ABTB2: variants seen among roughly 807,000 people sequenced by gnomAD.
The protein encoded by ABTB2 is ankyrin repeat and BTB/POZ domain-containing protein 2.
Under a neutral mutation model 104.1 loss-of-function variants are expected in ABTB2, and 56 were observed. The observed-to-expected ratio is 0.54, with a 90% CI of 0.43 to 0.67. The LOEUF (loss-of-function observed/expected upper bound fraction) is 0.67, where lower values mean the gene tolerates loss of function less well. ABTB2 is among the 30% of genes least tolerant of loss of function. ABTB2 has a pLI of 0.00. For missense variants in ABTB2, 1,279 were observed against 1,407.7 expected, an observed-to-expected ratio of 0.91 and a Z score of 1.46; for synonymous variants, 606 against 608.2, an observed-to-expected ratio of 1.00 and a Z score of 0.05.
intron 1 of ABTB2, among the ~76,000 whole-genome samples, chr11:34,270,570 C>T (rs913914499): frequency 1.3e-5 from 2 of 152,172 alleles, no homozygotes; most frequent in Non-Finnish European, 2.9e-5. Flanking sequence ...GAACTCCTGA[C>T]CTCAGGTGAT....
chr11:34,211,620 G>A (rs890516172), intron 1 of ABTB2, among the ~76,000 whole-genome samples: 18 of 152,036 alleles, frequency 1.2e-4, no homozygotes, highest in African/African-American at 2.7e-4. Flanking sequence ...CAAGCCAGGC[G>A]TGGTGGCTCA....
chr11:34,294,216 C>A (rs1011368489), intron 1 of ABTB2, among the ~76,000 whole-genome samples: 11 of 152,064 alleles, frequency 7.2e-5, no homozygotes, highest in African/African-American at 2.7e-4. Flanking sequence ...CATAGTCCCA[C>A]CCACTCAGGA....
At chr11:34,204,449 T>C in intron 2 of ABTB2, 95 bp downstream of exon 2, 3 of 1,442,490 alleles carry the variant, frequency 2.1e-6, no homozygotes, top group South Asian at 1.4e-5. Flanking sequence ...GCCAGAGCAC[T>C]TGGAGGAGGA....
At position 34,160,992 on chromosome 11, in the gene ABTB2, C is replaced by T. The variant is rs774571777; in HGVS notation, c.2308G>A (p.Asp770Asn). 1.2e-6 allele frequency: 2 copies of T among 1,613,670 alleles called. No individual in the cohort carries two copies. Among genetic ancestry groups the T allele is most frequent in the African/African-American group, 2.7e-5 (2 of 74,882 alleles). The change falls in exon 11 of 17, where the codon GAC (aspartate) becomes AAC (asparagine). Residue 770 changes from aspartate to asparagine, a missense_variant. By Grantham distance (23) the Asp-to-Asn change is conservative. Coordinates refer to ENST00000435224, the MANE Select transcript of ABTB2 (RefSeq NM_145804.3). ...TCCTCCTCTCTGATGGAGCTGAAGT[C>T]CCGCAGGAGGCTCTGCACCACCGAG... ...RYSVVQSLLR[D>N]FSSIREEEYN...
At chr11:34,230,748 T>C (rs1853757583) in intron 1 of ABTB2, among the ~76,000 whole-genome samples, 1 of 152,196 alleles carries the variant, frequency 6.6e-6, no homozygotes, top group African/African-American at 2.4e-5. Context: ...TCCTCTTATT[T>C]CCATCATGAA....
chr11:34,160,787 G>T, intron 11 of ABTB2, 116 bp downstream of exon 11: 1 of 1,158,274 alleles, frequency 8.6e-7, no homozygotes. Flanking sequence ...GAGTGTGTGT[G>T]CGTTGGGTGA....
At position 34,152,531 on chromosome 11, in the gene ABTB2, G is replaced by C; in HGVS notation, c.2934C>G (p.His978Gln). ...CATCCTGCTCCAGTAGGGCCTTCAT[G>C]TGCTTGAGGAAGAAGCCCTCACAGA... ...ALFCEGFFLKHMKALLEQDAF... is the reference protein window; with the variant it reads ...ALFCEGFFLKQMKALLEQDAF... The change falls in exon 17 of 17, where the codon CAC (histidine) becomes CAG (glutamine). Residue 978 changes from histidine (H) to glutamine (Q), a missense_variant. Transcript: ENST00000435224. The C allele has an allele frequency of 6.2e-7, 1 of 1,612,550 alleles. No homozygotes were observed. Among genetic ancestry groups the C allele is most frequent in the East Asian group, 2.2e-5 (1 of 44,850 alleles).
At position 34,317,515 on chromosome 11, in the gene ABTB2, A is replaced by G. The variant is rs146215143; in HGVS notation, c.883+39186T>C. 4.9e-3 allele frequency among the ~76,000 whole-genome samples: 743 copies of G among 152,266 alleles called. 7 individuals are homozygous for G. Among genetic ancestry groups the G allele is most frequent in the Non-Finnish European group, 9.0e-3 (609 of 68,012 alleles). ...GGGCCAGGCATGGTGTCTTACACCT[A>G]TAATCCCAGCAGTCTGGGAGGCTGA... is the stretch of plus-strand genomic sequence containing the variant. On this transcript the variant is annotated intron_variant, in intron 1 of 16. Transcript: ENST00000435224.
intron 1 of ABTB2, among the ~76,000 whole-genome samples, chr11:34,279,008 T>C (rs1014883987): frequency 6.6e-6 from 1 of 152,168 alleles, no homozygotes; most frequent in African/African-American, 2.4e-5. Context: ...AAAAAGTACA[T>C]ACAGAAATGC....
intron 1 of ABTB2, among the ~76,000 whole-genome samples, chr11:34,290,057 C>A (rs1854549966): frequency 6.6e-6 from 1 of 152,190 alleles, no homozygotes. Flanking sequence ...ATGACCTAGT[C>A]CCTGAAGACA....
At chr11:34,189,669 T>C (rs1485406648) in intron 3 of ABTB2, among the ~76,000 whole-genome samples, 1 of 152,134 alleles carries the variant, frequency 6.6e-6, no homozygotes, top group Non-Finnish European at 1.5e-5. Flanking sequence ...ATAAAATTCA[T>C]GCTCTGAAAC....
chr11:34,254,544 G>A (rs1025063419), intron 1 of ABTB2, among the ~76,000 whole-genome samples: 6 of 152,020 alleles, frequency 3.9e-5, no homozygotes, highest in African/African-American at 1.2e-4. Flanking sequence ...CACCGTGCTC[G>A]GCCAATGGAA....
At chr11:34,153,511 G>A (rs141061722) in intron 16 of ABTB2, among the ~76,000 whole-genome samples, 2 of 152,114 alleles carry the variant, frequency 1.3e-5, no homozygotes, top group Non-Finnish European at 2.9e-5. Context: ...TGGGACCACA[G>A]ATGCACGCCA....
chr11:34,159,438 C>T (rs926433249), intron 13 of ABTB2, 52 bp from the exon 14 acceptor site: 1 of 1,249,852 alleles, frequency 8.0e-7, no homozygotes, highest in South Asian at 1.2e-5. Flanking sequence ...TACTTCACCA[C>T]TGTGTGGCGA....
At chr11:34,333,737 C>T (rs1855158822) in intron 1 of ABTB2, among the ~76,000 whole-genome samples, 1 of 152,076 alleles carries the variant, frequency 6.6e-6, no homozygotes, top group African/African-American at 2.4e-5. Context: ...GCCTGGATGA[C>T]AAGAGTGAGA....
At chr11:34,167,132 C>A in intron 7 of ABTB2, 127 bp downstream of exon 7, 1 of 847,234 alleles carries the variant, frequency 1.2e-6, no homozygotes, top group Non-Finnish European at 1.9e-6. Flanking sequence ...GGTGAGCTGG[C>A]CTCAAGCAGT....
At chr11:34,160,169 TGAC>T (rs778485371) in intron 12 of ABTB2, 76 bp downstream of exon 12, 6 of 1,397,962 alleles carry the variant, frequency 4.3e-6, no homozygotes, top group Non-Finnish European at 6.0e-6. Flanking sequence ...TGGAGAAAGA[TGAC>T]AAAGTGGGGA....
intron 10 of ABTB2, among the ~76,000 whole-genome samples, chr11:34,162,223 C>T (rs1353767100): frequency 6.6e-6 from 1 of 152,242 alleles, no homozygotes; most frequent in Non-Finnish European, 1.5e-5. Flanking sequence ...TGCCGCCTCA[C>T]AGCGTGGAGT....
rs1489031369 is a variant in ABTB2 at position 34,252,584 on chromosome 11, G to A, written c.884-47894C>T. The stretch of plus-strand genomic sequence containing the variant: ...CCTGAAAGAGAGGAGAGCAGGGAGA[G>A]AGAATGGGGGGAAGGGTGGGGCCAG... On this transcript the variant is annotated intron_variant, in intron 1 of 16. Coordinates refer to ENST00000435224, the MANE Select transcript of ABTB2 (RefSeq NM_145804.3). This position sits in a 1 kb window ranked among gnomAD's most constrained non-coding sequence, Gnocchi z 5.5. 1.3e-5 allele frequency among the ~76,000 whole-genome samples: 2 copies of A among 152,136 alleles called. No individual in the cohort carries two copies. Among genetic ancestry groups the A allele is most frequent in the African/African-American group, 4.8e-5 (2 of 41,410 alleles).
Sources: gnomAD v4.1 joint callset for allele counts (sites outside exome capture counted in the v4.1 genomes callset) on GRCh38, gnomAD v4.1.1 for gene constraint, Gnocchi (gnomAD v3.1) non-coding constraint, MANE v1.5 for transcripts, NCBI Gene and HGNC (gene_info 2026-07-23, HGNC 2026-07-21) for gene names.